Variants in WDHD1 observed in about 807,000 individuals in gnomAD.
WDHD1 encodes the protein WD repeat and HMG-box DNA binding protein 1, also known as WD repeat and HMG-box DNA-binding protein 1.
Under a neutral mutation model 135.4 loss-of-function variants are expected in WDHD1, and 111 were observed. The observed-to-expected ratio is 0.82, with a 90% CI of 0.70 to 0.96. The LOEUF (loss-of-function observed/expected upper bound fraction) is 0.96, where lower values mean the gene tolerates loss of function less well. Ranked by LOEUF, WDHD1 falls within the 40% of genes least tolerant of loss-of-function variation. WDHD1 has a pLI of 0.00. For missense variants in WDHD1, 1,351 were observed against 1,336.3 expected, an observed-to-expected ratio of 1.01 and a Z score of -0.17; for synonymous variants, 434 against 439.0, an observed-to-expected ratio of 0.99 and a Z score of 0.14.
At chr14:54,959,695 G>A (rs1043077337) in intron 21 of WDHD1, among the ~76,000 whole-genome samples, 1 of 151,980 alleles carries the variant, frequency 6.6e-6, no homozygotes, top group Non-Finnish European at 1.5e-5. Context: ...CTGAGCATAC[G>A]AGTTCAAGGC....
At chr14:55,014,331 C>G (rs992918084) in intron 2 of WDHD1, among the ~76,000 whole-genome samples, 16 of 152,314 alleles carry the variant, frequency 1.1e-4, no homozygotes, top group African/African-American at 3.6e-4. Flanking sequence ...CTCAAGGGAT[C>G]TGCCTGTCTT....
At chr14:54,958,324 A>T (rs977605879) in intron 21 of WDHD1, among the ~76,000 whole-genome samples, 1 of 151,788 alleles carries the variant, frequency 6.6e-6, no homozygotes, top group Non-Finnish European at 1.5e-5. Context: ...ACAGGGTTTC[A>T]CCATGTTGGC....
Position 54,941,592 on chromosome 14 carries a change from C to G in WDHD1, c.3288G>C (p.Gln1096His). ...VVDESDETEN[Q>H]EEKAKENLNL... ...TCAGGTTCTCTTTTGCTTTTTCTTC[C>G]TGGTTTTCTGTTTCATCACTTTCAT... Residue 1096 changes from glutamine to histidine, a missense_variant, in exon 26 of 26, where the codon CAG becomes CAC. Gln to His is a conservative substitution (Grantham distance 24). Around this residue, in one of 2 missense-constraint regions of WDHD1, gnomAD observed 1,330 missense variants for 1,296.1 expected, o/e 1.03. Coordinates refer to ENST00000360586, the MANE Select transcript of WDHD1 (RefSeq NM_007086.4). 1 of 1,613,814 alleles carries G rather than the reference C, an allele frequency of 6.2e-7. No individual in the cohort carries two copies. Among genetic ancestry groups the G allele is most frequent in the East Asian group, 2.2e-5 (1 of 44,856 alleles).
chr14:54,949,114 C>T (rs111243557), intron 24 of WDHD1, among the ~76,000 whole-genome samples: 21 of 152,280 alleles, frequency 1.4e-4, no homozygotes, highest in African/African-American at 4.3e-4. Context: ...CCCAAAGGAA[C>T]GCAGCTCCTC....
intron 2 of WDHD1, among the ~76,000 whole-genome samples, chr14:55,021,344 G>A (rs2140233396): frequency 6.6e-6 from 1 of 151,782 alleles, no homozygotes; most frequent in East Asian, 1.9e-4. Flanking sequence ...CAGTAGTTAG[G>A]AAGAACTCAT....
intron 4 of WDHD1, among the ~76,000 whole-genome samples, chr14:55,010,019 A>T (rs1208993348): frequency 7.1e-6 from 1 of 140,530 alleles, no homozygotes. Context: ...GGGTTTTGCC[A>T]TGTTGGCCAG....
At chr14:55,011,566 G>A (rs928356530) in intron 3 of WDHD1, among the ~76,000 whole-genome samples, 1 of 148,184 alleles carries the variant, frequency 6.7e-6, no homozygotes, top group East Asian at 2.0e-4. Flanking sequence ...CTGAGCAGAG[G>A]GTGAGTTCCT....
At chr14:55,016,582 T>G (rs2042265779) in intron 2 of WDHD1, among the ~76,000 whole-genome samples, 1 of 152,240 alleles carries the variant, frequency 6.6e-6, no homozygotes, top group Non-Finnish European at 1.5e-5. Flanking sequence ...TTGTGAAGCA[T>G]GATTCTTCCT....
chr14:54,961,732 A>G (rs2041254682), intron 21 of WDHD1, among the ~76,000 whole-genome samples: 1 of 152,138 alleles, frequency 6.6e-6, no homozygotes, highest in Non-Finnish European at 1.5e-5. Context: ...AAAAAGTCAA[A>G]TGGTACTATA....
At chr14:54,998,074 G>T (rs1485531468) in intron 10 of WDHD1, among the ~76,000 whole-genome samples, 1 of 151,702 alleles carries the variant, frequency 6.6e-6, no homozygotes, top group African/African-American at 2.4e-5. Flanking sequence ...TTAGCAGGGC[G>T]TGGTGGTGGG....
intron 7 of WDHD1, among the ~76,000 whole-genome samples, chr14:55,003,587 C>CTATATATATATATATATATATATATA (rs140023951): frequency 4.9e-4 from 70 of 143,720 alleles, no homozygotes; most frequent in Middle Eastern, 3.5e-3. Context: ...GAAAAACGAA[C>CTATATATATATATATATATATATATA]TATATATATA....
At chr14:54,956,309 T>C (rs749030406) in intron 23 of WDHD1, among the ~76,000 whole-genome samples, 3 of 152,040 alleles carry the variant, frequency 2.0e-5, no homozygotes, top group Non-Finnish European at 2.9e-5. Flanking sequence ...TCTGAGTATA[T>C]ATATTTTTAA....
At chr14:54,949,433 G>T (rs141419326) in intron 24 of WDHD1, among the ~76,000 whole-genome samples, 2 of 152,054 alleles carry the variant, frequency 1.3e-5, no homozygotes, top group African/African-American at 4.8e-5. Flanking sequence ...GAAATGAAGC[G>T]AGAAGAAAAG....
rs2140214120 is a variant in WDHD1 at position 55,000,868 on chromosome 14, A to G, written c.800+18T>C. On this transcript the variant is annotated intron_variant, in intron 9 of 25. Coordinates refer to ENST00000360586, the MANE Select transcript of WDHD1 (RefSeq NM_007086.4). The stretch of plus-strand genomic sequence containing the variant: ...TAGAGATGAGCAAAGAAGAGACAAA[A>G]GATACACTAAATCATACCTTTCCAT... 6.7e-7 allele frequency: 1 copy of G among 1,492,422 alleles called. No individual in the cohort carries two copies. The highest frequency in any genetic ancestry group is 2.4e-5 in the East Asian group (1 of 41,032). 92.4% of individuals were successfully genotyped at this position (1,492,422 alleles called of 1,614,324 possible). A position where few individuals can be genotyped will look rare whatever the true frequency, so the allele number is the denominator to read the frequency against.
chr14:54,944,794 C>T (rs1456955686), intron 24 of WDHD1, among the ~76,000 whole-genome samples: 1 of 151,576 alleles, frequency 6.6e-6, no homozygotes, highest in Non-Finnish European at 1.5e-5. Context: ...TAATTTTTTG[C>T]ATGGGGTTTC....
intron 7 of WDHD1, among the ~76,000 whole-genome samples, chr14:55,004,260 T>C (rs1288002386): frequency 6.6e-6 from 1 of 152,204 alleles, no homozygotes; most frequent in Admixed American, 6.5e-5. Context: ...TCTACCTTTA[T>C]ATACACTAAC....
chr14:54,974,517 A>G (rs1040586734), intron 16 of WDHD1, among the ~76,000 whole-genome samples: 2 of 143,440 alleles, frequency 1.4e-5, no homozygotes, highest in African/African-American at 4.9e-5. Flanking sequence ...TGTTATATTA[A>G]AGAAAGAGTT....
intron 2 of WDHD1, among the ~76,000 whole-genome samples, chr14:55,024,075 A>G (rs924001691): frequency 1.3e-5 from 2 of 152,138 alleles, no homozygotes; most frequent in African/African-American, 4.8e-5. Context: ...TAGTTTTTTC[A>G]AATTGTTAGA....
At chr14:54,965,921 A>C (rs2041333018) in intron 18 of WDHD1, among the ~76,000 whole-genome samples, 2 of 151,688 alleles carry the variant, frequency 1.3e-5, no homozygotes, top group Admixed American at 1.3e-4. Context: ...GCACAACTGC[A>C]CTTCAGCCTG....
Sources: gnomAD v4.1 joint callset for allele counts (sites outside exome capture counted in the v4.1 genomes callset) on GRCh38, gnomAD v4.1.1 for gene constraint, gnomAD v4.1.1 regional missense constraint, MANE v1.5 for transcripts, NCBI Gene and HGNC (gene_info 2026-07-23, HGNC 2026-07-21) for gene names.